The following SRD5A1 variants were observed in gnomAD, a reference collection of about 807,000 sequenced individuals.
SRD5A1 encodes the protein steroid 5 alpha-reductase 1, also known as 3-oxo-5-alpha-steroid 4-dehydrogenase 1.
SRD5A1 carries 22 observed loss-of-function variants against 28.2 expected under a neutral mutation model. That is an observed-to-expected ratio of 0.78 (90% CI 0.56 to 1.12). SRD5A1 has a LOEUF of 1.12. SRD5A1 is among the 50% of genes most tolerant of loss of function. SRD5A1 has a pLI of 0.00. For missense variants in SRD5A1, 300 were observed against 346.7 expected, an observed-to-expected ratio of 0.87 and a Z score of 1.07; for synonymous variants, 151 against 135.0, an observed-to-expected ratio of 1.12 and a Z score of -0.82.
rs2126562831 is a variant in SRD5A1 at position 6,674,135 on chromosome 5, T to C, written c.*5867T>C. Reference sequence around the variant, plus strand: ...ATTATTTAATTAAAATGATTTATTTTACTTATTTTCATTATTATCTAAAAT... The same window carrying C: ...ATTATTTAATTAAAATGATTTATTTCACTTATTTTCATTATTATCTAAAAT... On this transcript the variant is annotated 3_prime_UTR_variant, in exon 5 of 5. Transcript: ENST00000274192. 6.6e-6 allele frequency: 1 copy of C among 151,976 alleles called. No homozygotes were observed. The highest frequency in any genetic ancestry group is 2.4e-5 in the African/African-American group (1 of 41,542). 9.4% of individuals were successfully genotyped at this position (151,976 alleles called of 1,614,324 possible).
intron 1 of SRD5A1, among the ~76,000 whole-genome samples, chr5:6,640,737 A>G (rs1424830888): frequency 6.6e-6 from 1 of 152,234 alleles, no homozygotes; most frequent in Non-Finnish European, 1.5e-5. Context: ...GTCAGATTTA[A>G]TCTTACATTT....
chr5:6,651,816 A>T (rs901575560), intron 1 of SRD5A1, 26 bp from the exon 2 acceptor site: 6 of 1,561,944 alleles, frequency 3.8e-6, no homozygotes, highest in Non-Finnish European at 5.2e-6. Flanking sequence ...TTTTTAAAAA[A>T]TTGTGCCTGT....
chr5:6,661,233 T>C (rs1206327432), intron 3 of SRD5A1, among the ~76,000 whole-genome samples: 1 of 152,146 alleles, frequency 6.6e-6, no homozygotes, highest in Non-Finnish European at 1.5e-5. Context: ...CCATTTTCTT[T>C]CTTTTTAAAA....
rs1401273862 is a variant in SRD5A1, at chr5:6,674,046, AAC to A, written c.*5782_*5783del. The A allele has an allele frequency of 6.6e-6, 1 of 152,070 alleles. No individual in the cohort carries two copies. Among genetic ancestry groups the A allele is most frequent in the Non-Finnish European group, 1.5e-5 (1 of 68,012 alleles). 9.4% of individuals were successfully genotyped at this position (152,070 alleles called of 1,614,324 possible). Reference sequence around the variant, plus strand: ...ATATAGAATATTATGCATTTTTCAAAACACATAGAATATACAACATGAAGAAT... The same window carrying A: ...ATATAGAATATTATGCATTTTTCAAAACATAGAATATACAACATGAAGAAT... On this transcript the variant is annotated 3_prime_UTR_variant, in exon 5 of 5. Transcript: ENST00000274192.
intron 4 of SRD5A1, among the ~76,000 whole-genome samples, chr5:6,664,924 A>G (rs552403041): frequency 2.6e-5 from 4 of 152,378 alleles, no homozygotes; most frequent in African/African-American, 9.6e-5. Context: ...GAAGGCAGAG[A>G]GGGTTTGAGA....
In SRD5A1 at chr5:6,667,366, G is replaced by A. The variant is rs1160543925; in HGVS notation, c.714-836G>A. Among the ~76,000 whole-genome samples, 3 of 152,202 alleles carry A rather than the reference G, an allele frequency of 2.0e-5. No individual in the cohort carries two copies. The East Asian group carries it at 5.8e-4, about 29-fold the overall frequency. The stretch of plus-strand genomic sequence containing the variant: ...TCGAATTCTCTATTTGTGGATTCCG[G>A]TGTTAAACTTAACTAAGACCAGCAG... On this transcript the variant is annotated intron_variant, in intron 4 of 4. Coordinates refer to ENST00000274192, the MANE Select transcript of SRD5A1 (RefSeq NM_001047.4).
chr5:6,634,805 G>T (rs1056019241), intron 1 of SRD5A1, among the ~76,000 whole-genome samples: 6 of 152,198 alleles, frequency 3.9e-5, no homozygotes, highest in Middle Eastern at 3.2e-3. Flanking sequence ...AATAAGTTGG[G>T]GTTCTCTCCA....
intron 1 of SRD5A1, among the ~76,000 whole-genome samples, chr5:6,639,399 A>G (rs1738293545): frequency 1.3e-5 from 2 of 152,304 alleles, no homozygotes; most frequent in South Asian, 4.1e-4. Flanking sequence ...TTTATACTGT[A>G]TGGGTAATTC....
intron 3 of SRD5A1, among the ~76,000 whole-genome samples, chr5:6,662,361 T>A (rs2126550479): frequency 6.6e-6 from 1 of 152,380 alleles, no homozygotes; most frequent in South Asian, 2.1e-4. Context: ...GGAGGGTGTC[T>A]GTCCAAGTGC....
chr5:6,647,110 T>C (rs1447510633), intron 1 of SRD5A1, among the ~76,000 whole-genome samples: 2 of 152,236 alleles, frequency 1.3e-5, no homozygotes, highest in Non-Finnish European at 2.9e-5. Flanking sequence ...TAATCTTGAG[T>C]TCTAATTTGA....
Position 6,654,488 on chromosome 5 carries a change from C to T in SRD5A1, c.461-1590C>T, listed in dbSNP as rs538591408. Among the ~76,000 whole-genome samples, 77 of 152,214 alleles carry T rather than the reference C, an allele frequency of 5.1e-4. 1 individual carries two copies. In the South Asian group the frequency reaches 0.015, roughly 29 times the overall value. ...GCAGCCTGTCATCCAGGCTGGAGTG[C>T]AGTGGCGTGATCTTGGCTCATGGCA... On this transcript the variant is annotated intron_variant, in intron 2 of 4. Coordinates refer to ENST00000274192, the MANE Select transcript of SRD5A1 (RefSeq NM_001047.4).
At position 6,662,913 on chromosome 5, in the gene SRD5A1, T is replaced by C; in HGVS notation, c.660T>C (p.Ala220=). The C allele has an allele frequency of 6.2e-7, 1 of 1,614,100 alleles. No homozygotes were observed. Among genetic ancestry groups the C allele is most frequent in the Non-Finnish European group, 8.5e-7 (1 of 1,180,048 alleles). Residue 220 remains alanine, a synonymous_variant, in exon 4 of 5, where the codon GCT becomes GCC. Transcript: ENST00000274192. ...ALASWSVQGA[A]FAFFTFCFLS... is the part of the protein sequence containing the mutation. ...CCAGCTGGTCTGTCCAAGGCGCGGC[T>C]TTTGCTTTCTTCACGTTTTGTTTTT... is the stretch of plus-strand genomic sequence containing the variant.
At chr5:6,656,235 A>G in intron 3 of SRD5A1, 56 bp downstream of exon 3, 1 of 1,421,272 alleles carries the variant, frequency 7.0e-7, no homozygotes, top group Non-Finnish European at 9.9e-7. Context: ...GTTCCTGGCT[A>G]TTTTAGTGTT....
intron 3 of SRD5A1, among the ~76,000 whole-genome samples, chr5:6,658,773 C>T (rs1433458950): frequency 2.0e-5 from 3 of 149,906 alleles, no homozygotes; most frequent in Admixed American, 2.0e-4. Flanking sequence ...AAAAAAAAAA[C>T]AAACCACAGA....
At chr5:6,661,472 C>T (rs1738999056) in intron 3 of SRD5A1, among the ~76,000 whole-genome samples, 2 of 149,990 alleles carry the variant, frequency 1.3e-5, no homozygotes, top group Admixed American at 1.3e-4. Context: ...GTAGTCTCTA[C>T]CCTATGCTGC....
chr5:6,658,016 C>A (rs1738883108), intron 3 of SRD5A1, among the ~76,000 whole-genome samples: 1 of 152,152 alleles, frequency 6.6e-6, no homozygotes, highest in African/African-American at 2.4e-5. Context: ...ATCAAAATTC[C>A]AACATGAATT....
chr5:6,662,077 G>T (rs1739021979), intron 3 of SRD5A1, among the ~76,000 whole-genome samples: 1 of 152,058 alleles, frequency 6.6e-6, no homozygotes, highest in African/African-American at 2.4e-5. Flanking sequence ...AGCCATTGCT[G>T]TCTGCCTCAG....
chr5:6,647,046 T>A (rs1037351143), intron 1 of SRD5A1, among the ~76,000 whole-genome samples: 1 of 152,222 alleles, frequency 6.6e-6, no homozygotes, highest in African/African-American at 2.4e-5. Flanking sequence ...CAGTAGTCAT[T>A]CAGGAGCAGG....
intron 3 of SRD5A1, among the ~76,000 whole-genome samples, chr5:6,659,117 C>CTT (rs1202937847): frequency 9.9e-5 from 14 of 140,994 alleles, no homozygotes; most frequent in South Asian, 4.7e-4. Context: ...AAAAAAAAAT[C>CTT]TTTTTTTTTT....
Sources: gnomAD v4.1 joint callset for allele counts (sites outside exome capture counted in the v4.1 genomes callset) on GRCh38, gnomAD v4.1.1 for gene constraint, MANE v1.5 for transcripts, NCBI Gene and HGNC (gene_info 2026-07-23, HGNC 2026-07-21) for gene names.